PDE6B: variants seen among roughly 807,000 people sequenced by gnomAD.
PDE6B encodes the protein phosphodiesterase 6B, also known as rod cGMP-specific 3',5'-cyclic phosphodiesterase subunit beta.
Under a neutral mutation model 109.0 loss-of-function variants are expected in PDE6B, and 106 were observed. That is an observed-to-expected ratio of 0.97 (90% CI 0.83 to 1.14). PDE6B has a LOEUF of 1.14. Among genes scored for constraint, PDE6B ranks in the 50% most tolerant of loss-of-function variants. The pLI is 0.00. For synonymous variants in PDE6B, 490 were observed against 471.3 expected (o/e 1.04, Z -0.51); for missense variants, 1,193 against 1,155.6 (o/e 1.03, Z -0.47).
intron 12 of PDE6B, among the ~76,000 whole-genome samples, chr4:660,931 G>A (rs924646173): frequency 3.6e-4 from 5 of 13,884 alleles, no homozygotes; most frequent in African/African-American, 5.1e-4. Flanking sequence ...AGAAACAAAG[G>A]AAGAATAAAT....
intron 1 of PDE6B, among the ~76,000 whole-genome samples, chr4:629,700 A>G (rs1235431626): frequency 1.3e-5 from 2 of 152,284 alleles, no homozygotes; most frequent in East Asian, 3.9e-4. Flanking sequence ...GGGCGTTGAG[A>G]ACACGGGCTG....
intron 12 of PDE6B, chr4:661,281 GA>G (rs1678939827): frequency 6.6e-6 from 1 of 152,576 alleles, no homozygotes; most frequent in African/African-American, 2.4e-5. Flanking sequence ...AATAACAGGG[GA>G]TTTGGTGTGG....
intron 3 of PDE6B, among the ~76,000 whole-genome samples, chr4:641,674 T>A (rs1181771967): frequency 6.6e-6 from 1 of 152,074 alleles, no homozygotes; most frequent in Admixed American, 6.5e-5. Flanking sequence ...TGAGACAGAG[T>A]CTCACTCTGT....
chr4:633,018 G>A lies in PDE6B; in HGVS notation c.469-1659G>A, dbSNP rs149828243. 8.1e-3 allele frequency among the ~76,000 whole-genome samples: 1,230 copies of A among 152,232 alleles called. 9 individuals are homozygous for A. The highest frequency in any genetic ancestry group is 0.014 in the Non-Finnish European group (932 of 67,994). On this transcript the variant is annotated intron_variant, in intron 1 of 21. Transcript: ENST00000496514. This position sits in a 1 kb window ranked among gnomAD's most constrained non-coding sequence, Gnocchi z 4.5. ...GTAACAGAGACTCTGAATTCATCAG[G>A]GAGCACACATGGTGGCCACTGTAGC...
chr4:667,465 T>G (rs913709634), intron 20 of PDE6B, among the ~76,000 whole-genome samples: 7 of 152,194 alleles, frequency 4.6e-5, no homozygotes, highest in African/African-American at 1.7e-4. Context: ...TGCACGCGTG[T>G]GCTGTGCTTG....
In PDE6B at chr4:648,628, C is replaced by T. The variant is rs1044184495; in HGVS notation, c.712-5224C>T. On this transcript the variant is annotated intron_variant, in intron 3 of 21. Transcript: ENST00000496514. This position sits in a 1 kb window ranked among gnomAD's most constrained non-coding sequence, Gnocchi z 4.5. The stretch of plus-strand genomic sequence containing the variant: ...GCCATTCCCTTTCTGAAAAGCCTCT[C>T]GGACACTCCCATCAGAGCCAACAGA... 1.1e-4 allele frequency among the ~76,000 whole-genome samples: 17 copies of T among 152,186 alleles called. No homozygotes were observed. Among genetic ancestry groups the T allele is most frequent in the African/African-American group, 3.4e-4 (14 of 41,444 alleles).
chr4:650,614 C>G (rs1735457427), intron 3 of PDE6B, among the ~76,000 whole-genome samples: 1 of 152,204 alleles, frequency 6.6e-6, no homozygotes, highest in Non-Finnish European at 1.5e-5. Context: ...ACCCAGGCAC[C>G]AAGACTCCCA....
chr4:653,272 G>C, intron 3 of PDE6B: 1 of 1,025,660 alleles, frequency 9.7e-7, no homozygotes, highest in Non-Finnish European at 1.2e-6. Context: ...CCTGGGTCTG[G>C]GCCTTGACCA....
chr4:646,915 T>G lies in PDE6B; in HGVS notation c.712-6937T>G, dbSNP rs189121907. ...CTCTGTGGCCCTGGCTGGAGTGCAG[T>G]GGCTCAATCTCGGCTCACTGCAGCC... On this transcript the variant is annotated intron_variant, in intron 3 of 21. Transcript: ENST00000496514. Among the ~76,000 whole-genome samples, 282 of 151,946 alleles carry G rather than the reference T, an allele frequency of 1.9e-3. 4 individuals are homozygous for G. Among genetic ancestry groups the G allele is most frequent in the African/African-American group, 6.5e-3 (270 of 41,294 alleles).
At chr4:640,719 C>T (rs184063261) in intron 3 of PDE6B, among the ~76,000 whole-genome samples, 13 of 152,318 alleles carry the variant, frequency 8.5e-5, no homozygotes, top group Non-Finnish European at 1.3e-4. Flanking sequence ...TGTGTAAGGA[C>T]TGCATCTAGA....
chr4:651,564 G>C (rs1735555528), intron 3 of PDE6B: 1 of 152,192 alleles, frequency 6.6e-6, no homozygotes, highest in Admixed American at 6.5e-5. Flanking sequence ...CACGCGAGGA[G>C]AATGCACCTG....
At chr4:655,353 G>T in intron 6 of PDE6B, 1 of 277,890 alleles carries the variant, frequency 3.6e-6, no homozygotes, top group Non-Finnish European at 7.0e-6. Flanking sequence ...CCAAGGGAGG[G>T]GCAGCTGGTG....
intron 3 of PDE6B, among the ~76,000 whole-genome samples, chr4:640,084 T>C (rs1024415877): frequency 6.6e-6 from 1 of 152,170 alleles, no homozygotes; most frequent in Admixed American, 6.5e-5. Context: ...GGTGGGAGAA[T>C]CACTTGAGGC....
chr4:664,172 A>G lies in PDE6B; in HGVS notation c.2080A>G (p.Ser694Gly). 1 of 1,612,326 alleles carries G rather than the reference A, an allele frequency of 6.2e-7. No individual in the cohort carries two copies. The highest frequency in any genetic ancestry group is 8.5e-7 in the Non-Finnish European group (1 of 1,178,594). ...GTCCAAGAACTACCAGGACAAGAAG[A>G]GCTGGGTGGAGTACCTGTCCCTGGA... ...DESKNYQDKK[S>G]WVEYLSLETT... The change falls in exon 17 of 22, where the codon AGC (serine) becomes GGC (glycine). Residue 694 changes from serine to glycine, a missense_variant. Physicochemically the swap from Ser to Gly is moderately conservative, Grantham distance 56. Transcript: ENST00000496514.
Position 625,678 on chromosome 4 carries a change from T to C in PDE6B, c.52T>C (p.Phe18Leu). Reference protein sequence around the residue: ...ARSFLDQNPDFARQYFGKKLS... With the variant: ...ARSFLDQNPDLARQYFGKKLS... ...GAGCTTTCTGGACCAGAACCCCGATTTTGCCCGCCAGTACTTTGGGAAGAA... is the reference window on the plus strand; with the variant it reads ...GAGCTTTCTGGACCAGAACCCCGATCTTGCCCGCCAGTACTTTGGGAAGAA... Residue 18 changes from phenylalanine to leucine, a missense_variant, in exon 1 of 22, where the codon TTT (phenylalanine) becomes CTT (leucine). Phe to Leu is a conservative substitution (Grantham distance 22). Transcript: ENST00000496514. The surrounding 1 kb of genome is among the most constrained non-coding windows in gnomAD (Gnocchi z 5.0). The C allele has an allele frequency of 6.2e-7, 1 of 1,613,926 alleles. No homozygotes were observed.
intron 1 of PDE6B, among the ~76,000 whole-genome samples, chr4:627,716 C>T (rs1048657216): frequency 1.4e-5 from 2 of 143,634 alleles, no homozygotes; most frequent in Admixed American, 6.9e-5. Context: ...TCCTTTTCTG[C>T]CATCCTCCCC....
rs35649145 is a variant in PDE6B, at chr4:636,924, T to C, written c.711+955T>C. 0.029 allele frequency among the ~76,000 whole-genome samples: 4,419 copies of C among 152,234 alleles called. 64 individuals are homozygous for C. The highest frequency in any genetic ancestry group is 0.041 in the Middle Eastern group (12 of 294). On this transcript the variant is annotated intron_variant, in intron 3 of 21. Coordinates refer to ENST00000496514, the MANE Select transcript of PDE6B (RefSeq NM_000283.4). The surrounding 1 kb of genome is among the most constrained non-coding windows in gnomAD (Gnocchi z 4.5). The stretch of plus-strand genomic sequence containing the variant: ...CCCCGGAGGGAAGTCTCAGCCCCAA[T>C]CCAAGCAGGCCTCTCACGGCCAGGG...
intron 6 of PDE6B, 64 bp from the exon 7 acceptor site, chr4:655,876 C>G: frequency 2.1e-6 from 2 of 947,224 alleles, no homozygotes; most frequent in South Asian, 1.3e-5. Context: ...TCCAGTCCCT[C>G]TGACTCCTGC....
At chr4:667,764 C>A in intron 20 of PDE6B, 92 bp from the exon 21 acceptor site, 1 of 1,380,624 alleles carries the variant, frequency 7.2e-7, no homozygotes. Flanking sequence ...GGCAGTTCAT[C>A]CCCTACGAGG....
Sources: gnomAD v4.1 joint callset for allele counts (sites outside exome capture counted in the v4.1 genomes callset) on GRCh38, gnomAD v4.1.1 for gene constraint, Gnocchi (gnomAD v3.1) non-coding constraint, MANE v1.5 for transcripts, NCBI Gene and HGNC (gene_info 2026-07-23, HGNC 2026-07-21) for gene names.